The following COL28A1 variants were observed in gnomAD, a reference collection of about 807,000 sequenced individuals.
COL28A1 encodes the protein collagen alpha-1(XXVIII) chain.
Under a neutral mutation model 150.2 loss-of-function variants are expected in COL28A1, and 161 were observed. The ratio of observed to expected loss-of-function variants is 1.07; its 90% CI spans 0.94 to 1.22. COL28A1 has a LOEUF of 1.22. Among genes scored for constraint, COL28A1 ranks in the 50% most tolerant of loss-of-function variants. The probability of loss-of-function intolerance (pLI) is 0.00; values close to 1 mark genes in which losing one functional copy is unlikely to be tolerated. For missense variants in COL28A1, 1,617 were observed against 1,388.3 expected (o/e 1.16, Z -2.62); for synonymous variants, 552 against 469.7 (o/e 1.18, Z -2.26).
chr7:7,355,234 T>C (rs1457584819), downstream of COL28A1, among the ~76,000 whole-genome samples: 1 of 152,086 alleles, frequency 6.6e-6, no homozygotes, highest in African/African-American at 2.4e-5. Context: ...AAAGAAAATC[T>C]TTCCTAATTA....
chr7:7,383,655 C>T (rs1291676007), intron 27 of COL28A1, among the ~76,000 whole-genome samples: 6 of 121,720 alleles, frequency 4.9e-5, no homozygotes, highest in African/African-American at 1.5e-4. Flanking sequence ...TCAATATTAT[C>T]TATTTGAAAT....
At chr7:7,372,940 A>AT in intron 32 of COL28A1, 58 bp downstream of exon 32, 1 of 1,443,802 alleles carries the variant, frequency 6.9e-7, no homozygotes, top group Non-Finnish European at 9.5e-7. Flanking sequence ...AACCAGTGAT[A>AT]TGGTACTTAG....
At chr7:7,432,992 A>G (rs1053271869) in intron 23 of COL28A1, among the ~76,000 whole-genome samples, 8 of 152,148 alleles carry the variant, frequency 5.3e-5, no homozygotes, top group Non-Finnish European at 1.0e-4. Flanking sequence ...CGTTAAATCT[A>G]TTCTCTTCAT....
intron 34 of COL28A1, among the ~76,000 whole-genome samples, chr7:7,359,835 C>G (rs1780549377): frequency 6.6e-6 from 1 of 152,028 alleles, no homozygotes; most frequent in African/African-American, 2.4e-5. Flanking sequence ...AAAACAAAAC[C>G]AAATAATATA....
chr7:7,386,732 G>C lies in COL28A1; in HGVS notation c.2137-5120C>G, dbSNP rs535996365. 7.9e-5 allele frequency among the ~76,000 whole-genome samples: 12 copies of C among 152,318 alleles called. No individual in the cohort carries two copies. The South Asian group carries it at 2.3e-3, about 29-fold the overall frequency. ...GTGCTCAAGAGAAAGACTGGGGCCAGGACTAGGGTCAGGAGTAGGCTTCCC... is the reference window on the plus strand; with the variant it reads ...GTGCTCAAGAGAAAGACTGGGGCCACGACTAGGGTCAGGAGTAGGCTTCCC... On this transcript the variant is annotated intron_variant, in intron 27 of 34. Transcript: ENST00000399429.
rs555289435 is a variant in COL28A1, at chr7:7,368,695, G to A, written c.3066+2030C>T. Among the ~76,000 whole-genome samples the A allele has an allele frequency of 2.6e-5, 4 of 152,270 alleles. No homozygotes were observed. The East Asian group carries it at 5.8e-4, about 22-fold the overall frequency. On this transcript the variant is annotated intron_variant, in intron 33 of 34. Coordinates refer to ENST00000399429, the MANE Select transcript of COL28A1 (RefSeq NM_001037763.3). ...CAGCCATGTGAAGACATAACGAGAA[G>A]GTGGCTGTTCACAAGCCAGAAAGCA...
chr7:7,410,344 C>T (rs548991487), intron 27 of COL28A1, among the ~76,000 whole-genome samples: 3 of 152,274 alleles, frequency 2.0e-5, no homozygotes, highest in Non-Finnish European at 4.4e-5. Flanking sequence ...GCCACACCCT[C>T]GACCCCCTGC....
Position 7,437,970 on chromosome 7 carries a change from C to T in COL28A1, c.1723-508G>A, listed in dbSNP as rs183819668. 2.2e-3 allele frequency among the ~76,000 whole-genome samples: 326 copies of T among 148,780 alleles called. 1 individual carries two copies. The highest frequency in any genetic ancestry group is 7.9e-3 in the African/African-American group (310 of 39,166). Reference sequence around the variant, plus strand: ...CCCCTATGGGCTGGGTGTGGTGGCTCACACCTGTAATCCCAGCCTTTGGGA... The same window carrying T: ...CCCCTATGGGCTGGGTGTGGTGGCTTACACCTGTAATCCCAGCCTTTGGGA... On this transcript the variant is annotated intron_variant, in intron 21 of 34. Transcript: ENST00000399429.
rs199838112 is a variant in COL28A1, at chr7:7,531,640, C to T, written c.389G>A (p.Gly130Asp). The T allele has an allele frequency of 1.2e-6, 2 of 1,603,186 alleles. No homozygotes were observed. The highest frequency in any genetic ancestry group is 8.5e-7 in the Non-Finnish European group (1 of 1,169,982). Reference sequence around the variant, plus strand: ...GGAAATGGCATAATAAGAGAAGGTACCTTGCCCTATTAAATTCATAGACTT... The same window carrying T: ...GGAAATGGCATAATAAGAGAAGGTATCTTGCCCTATTAAATTCATAGACTT... ...KVKSMNLIGQ[G>D]TFSYYAISNA... is the part of the protein sequence containing the mutation. The change falls in exon 3 of 35, where the codon GGT becomes GAT. Residue 130 changes from glycine (G) to aspartate (D), a missense_variant. Coordinates refer to ENST00000399429, the MANE Select transcript of COL28A1 (RefSeq NM_001037763.3).
At chr7:7,385,359 AAC>A (rs1782122298) in intron 27 of COL28A1, among the ~76,000 whole-genome samples, 2 of 152,142 alleles carry the variant, frequency 1.3e-5, no homozygotes, top group Non-Finnish European at 1.5e-5. Flanking sequence ...CTCATGGGAG[AAC>A]ACTAAGAGGA....
At chr7:7,511,050 A>C in intron 9 of COL28A1, 41 bp downstream of exon 9, 1 of 1,558,032 alleles carries the variant, frequency 6.4e-7, no homozygotes, top group Non-Finnish European at 8.9e-7. Flanking sequence ...GCAACCCAAA[A>C]GGGATCACAG....
intron 21 of COL28A1, 143 bp downstream of exon 21, chr7:7,440,647 T>C (rs897422978): frequency 1.2e-5 from 6 of 502,580 alleles, no homozygotes; most frequent in African/African-American, 3.9e-5. Flanking sequence ...ATGTTTTCTA[T>C]AGGTTTCTTA....
chr7:7,533,858 T>C (rs1220069579), intron 1 of COL28A1, among the ~76,000 whole-genome samples: 1 of 152,186 alleles, frequency 6.6e-6, no homozygotes, highest in African/African-American at 2.4e-5. Context: ...TTATTTCGAA[T>C]CAATACTTAG....
intron 25 of COL28A1, chr7:7,431,419 T>A (rs368403472): frequency 2.4e-6 from 1 of 416,514 alleles, no homozygotes; most frequent in African/African-American, 2.1e-5. Context: ...ACACGCTACA[T>A]GGAAAACATA....
the COL28A1 span, among the ~76,000 whole-genome samples, chr7:7,343,511 A>G: frequency 6.6e-6 from 1 of 152,042 alleles, no homozygotes; most frequent in South Asian, 2.1e-4. Context: ...TACTTATTTT[A>G]AAATCAATTT....
intron 27 of COL28A1, among the ~76,000 whole-genome samples, chr7:7,399,831 C>G (rs938101439): frequency 2.6e-5 from 4 of 152,172 alleles, no homozygotes; most frequent in Non-Finnish European, 5.9e-5. Context: ...GGAGTAACCG[C>G]AAGTTAGAAA....
chr7:7,513,746 C>T (rs1418361309), intron 8 of COL28A1, among the ~76,000 whole-genome samples: 1 of 152,158 alleles, frequency 6.6e-6, no homozygotes, highest in Non-Finnish European at 1.5e-5. Flanking sequence ...TTCCATTTGT[C>T]CAGACAGATT....
intron 4 of COL28A1, among the ~76,000 whole-genome samples, chr7:7,523,443 C>T (rs1030105172): frequency 1.3e-5 from 2 of 151,816 alleles, no homozygotes; most frequent in African/African-American, 4.8e-5. Flanking sequence ...CAGGCGTGAG[C>T]GACCATGCCT....
At chr7:7,355,870 C>A (rs1455420253), downstream of COL28A1, among the ~76,000 whole-genome samples, 2 of 151,946 alleles carry the variant, frequency 1.3e-5, no homozygotes, top group Non-Finnish European at 2.9e-5. Flanking sequence ...GTGTGTGTAC[C>A]AAGAGACATG....
Sources: allele counts gnomAD v4.1 joint callset (sites outside exome capture counted in the v4.1 genomes callset), GRCh38; gene constraint gnomAD v4.1.1; transcripts MANE v1.5; gene names NCBI Gene and HGNC (gene_info 2026-07-23, HGNC 2026-07-21).